The following CNTNAP4 variants were observed in gnomAD, a reference collection of about 807,000 sequenced individuals.
The protein encoded by CNTNAP4 is contactin-associated protein-like 4.
A neutral mutation model predicts 148.4 loss-of-function variants in CNTNAP4; 98 were observed. The observed-to-expected ratio is 0.66, with a 90% CI of 0.56 to 0.78. The LOEUF (loss-of-function observed/expected upper bound fraction) is 0.78. Among genes scored for constraint, CNTNAP4 ranks in the 30% least tolerant of loss-of-function variants. CNTNAP4 has a pLI of 0.00. For missense variants in CNTNAP4, 1,935 were observed against 1,565.6 expected (o/e 1.24, Z -3.98); for synonymous variants, 730 against 565.1 (o/e 1.29, Z -4.14).
At chr16:76,383,367 C>A (rs2016185506) in intron 3 of CNTNAP4, among the ~76,000 whole-genome samples, 1 of 140,714 alleles carries the variant, frequency 7.1e-6, no homozygotes. Flanking sequence ...AAAGTTCTAA[C>A]TACCAGTTTA....
chr16:76,407,027 GAGAAGTCAATGTGTGACTTCAA>G (rs1432266981), intron 3 of CNTNAP4, among the ~76,000 whole-genome samples: 1 of 152,134 alleles, frequency 6.6e-6, no homozygotes. Flanking sequence ...AGCTAGAGAG[GAGAAGTCAATGTGTGACTTCAA>G]AGGACAGGCT....
At chr16:76,417,003 T>G (rs536085361) in intron 3 of CNTNAP4, among the ~76,000 whole-genome samples, 1 of 151,630 alleles carries the variant, frequency 6.6e-6, no homozygotes, top group African/African-American at 2.4e-5. Context: ...CAGGTTTCTT[T>G]GTCTGAAATT....
rs2083245690 is a variant in CNTNAP4, at chr16:76,516,174, C to G, written c.2366-4966C>G. On this transcript the variant is annotated intron_variant, in intron 15 of 23. Coordinates refer to ENST00000611870, the MANE Select transcript of CNTNAP4 (RefSeq NM_033401.5). ...ATTCTCATTATTTAACTCCCACTTACAAGTGATAACATGTGGTGTTTGGTT... is the reference window on the plus strand; with the variant it reads ...ATTCTCATTATTTAACTCCCACTTAGAAGTGATAACATGTGGTGTTTGGTT... 2.8e-5 allele frequency among the ~76,000 whole-genome samples: 4 copies of G among 143,460 alleles called. No homozygotes were observed. In the South Asian group the frequency reaches 9.8e-4, roughly 35 times the overall value. 94.1% of individuals were successfully genotyped at this position (143,460 alleles called of 152,430 possible).
At chr16:76,438,356 A>T (rs2079911802) in intron 4 of CNTNAP4, among the ~76,000 whole-genome samples, 2 of 152,100 alleles carry the variant, frequency 1.3e-5, no homozygotes, top group African/African-American at 4.8e-5. Context: ...CTGGAAGGGG[A>T]CCACCTTTGG....
chr16:76,336,405 C>T (rs1044589563), intron 2 of CNTNAP4, among the ~76,000 whole-genome samples: 6 of 152,174 alleles, frequency 3.9e-5, no homozygotes, highest in African/African-American at 1.2e-4. Context: ...AGCATTTACA[C>T]CACGGGAATT....
chr16:76,280,674 G>A (rs16944129), intron 1 of CNTNAP4, among the ~76,000 whole-genome samples: 3,846 of 152,210 alleles, frequency 0.025, 163 homozygotes, highest in African/African-American at 0.087. Flanking sequence ...TTATATTGAA[G>A]TGTCCCTTCC....
Position 76,549,163 on chromosome 16 carries a change from T to C in CNTNAP4, c.3443-4120T>C, listed in dbSNP as rs149485288. On this transcript the variant is annotated intron_variant, in intron 21 of 23. Coordinates refer to ENST00000611870, the MANE Select transcript of CNTNAP4 (RefSeq NM_033401.5). ...GTCCGGGGGCCAGCCTAGAAGAATC[T>C]CAGGGGGGGATTTGAATTGTTTGGA... 5.0e-3 allele frequency among the ~76,000 whole-genome samples: 756 copies of C among 152,152 alleles called. 4 individuals carry two copies. Among genetic ancestry groups the C allele is most frequent in the Middle Eastern group, 0.034 (10 of 294 alleles).
At chr16:76,537,088 A>G (rs763440492) in intron 18 of CNTNAP4, among the ~76,000 whole-genome samples, 9 of 152,198 alleles carry the variant, frequency 5.9e-5, no homozygotes, top group Non-Finnish European at 1.0e-4. Flanking sequence ...GTACCATTCT[A>G]GGACACTTTT....
intron 10 of CNTNAP4, among the ~76,000 whole-genome samples, chr16:76,475,536 C>A (rs888913332): frequency 2.6e-5 from 4 of 152,172 alleles, no homozygotes; most frequent in African/African-American, 9.7e-5. Flanking sequence ...AAAGGTATTC[C>A]TCTGTCTTCC....
In CNTNAP4 at chr16:76,303,837, C is replaced by A. The variant is rs75213011; in HGVS notation, c.86-12576C>A. Among the ~76,000 whole-genome samples, 1,091 of 152,132 alleles carry A rather than the reference C, an allele frequency of 7.2e-3. 4 individuals carry two copies. The highest frequency in any genetic ancestry group is 0.012 in the Non-Finnish European group (831 of 67,964). On this transcript the variant is annotated intron_variant, in intron 1 of 23. Transcript: ENST00000611870. The stretch of plus-strand genomic sequence containing the variant: ...TGCATCGTAAGAACAGTTTTACTTT[C>A]TTTTTAAGTAATTCAGTAAAATCCC...
At chr16:76,381,919 C>T (rs951468355) in intron 3 of CNTNAP4, among the ~76,000 whole-genome samples, 3 of 151,718 alleles carry the variant, frequency 2.0e-5, no homozygotes, top group Admixed American at 6.6e-5. Flanking sequence ...ATTAGCTGGG[C>T]GTGGTGGTGG....
At chr16:76,498,486 A>G in intron 14 of CNTNAP4, 81 bp from the exon 15 acceptor site, 1 of 1,222,654 alleles carries the variant, frequency 8.2e-7, no homozygotes, top group Non-Finnish European at 1.1e-6. Context: ...GTGCAAATTT[A>G]GTTCAGAACA....
At chr16:76,470,738 T>TAA (rs138690592) in intron 10 of CNTNAP4, among the ~76,000 whole-genome samples, 30 of 150,762 alleles carry the variant, frequency 2.0e-4, no homozygotes, top group Non-Finnish European at 3.8e-4. Context: ...TGCAGGTTTT[T>TAA]AAAAAAAAAC....
intron 3 of CNTNAP4, among the ~76,000 whole-genome samples, chr16:76,413,063 G>A (rs1215299751): frequency 6.6e-6 from 1 of 151,284 alleles, no homozygotes; most frequent in African/African-American, 2.4e-5. Flanking sequence ...GCACATCATG[G>A]ATGGGGTTAT....
intron 8 of CNTNAP4, 77 bp downstream of exon 8, chr16:76,452,846 A>T: frequency 7.7e-7 from 1 of 1,291,528 alleles, no homozygotes; most frequent in East Asian, 2.6e-5. Flanking sequence ...TTTTATGCAT[A>T]ACCAAAAATG....
intron 3 of CNTNAP4, among the ~76,000 whole-genome samples, chr16:76,368,285 C>G (rs539781564): frequency 6.6e-6 from 1 of 152,196 alleles, no homozygotes; most frequent in African/African-American, 2.4e-5. Flanking sequence ...TCTTAATATC[C>G]AAATCTCTGC....
intron 12 of CNTNAP4, among the ~76,000 whole-genome samples, chr16:76,481,603 A>G (rs761857110): frequency 2.6e-5 from 4 of 152,116 alleles, no homozygotes; most frequent in Non-Finnish European, 5.9e-5. Flanking sequence ...GGAGTGTATC[A>G]TTGTAGATGT....
chr16:76,292,790 A>C (rs1371510584), intron 1 of CNTNAP4, among the ~76,000 whole-genome samples: 1 of 152,192 alleles, frequency 6.6e-6, no homozygotes, highest in Non-Finnish European at 1.5e-5. Context: ...CTTTCTGCTT[A>C]TCAGGGACAG....
chr16:76,319,903 G>T (rs1962227789), intron 2 of CNTNAP4, among the ~76,000 whole-genome samples: 1 of 152,130 alleles, frequency 6.6e-6, no homozygotes, highest in Non-Finnish European at 1.5e-5. Context: ...CTTTTAAGAT[G>T]CCCTGTTTGT....
Sources: gnomAD v4.1 joint callset for allele counts (sites outside exome capture counted in the v4.1 genomes callset) on GRCh38, gnomAD v4.1.1 for gene constraint, MANE v1.5 for transcripts, NCBI Gene and HGNC (gene_info 2026-07-23, HGNC 2026-07-21) for gene names.